RIPOR2: variants seen among roughly 807,000 people sequenced by gnomAD.
RIPOR2 encodes RHO family interacting cell polarization regulator 2.
In RIPOR2, 39 loss-of-function variants were observed where a neutral mutation model predicts 114.5. The ratio of observed to expected loss-of-function variants is 0.34; its 90% CI spans 0.26 to 0.44. The LOEUF is 0.44. RIPOR2 is among the 20% of genes least tolerant of loss of function. RIPOR2 has a pLI of 1.00. For missense variants in RIPOR2, 1,007 were observed against 1,255.1 expected (o/e 0.80, Z 2.99); for synonymous variants, 445 against 484.4 (o/e 0.92, Z 1.07).
At chr6:24,934,066 T>C (rs771343439) in intron 1 of RIPOR2, among the ~76,000 whole-genome samples, 9 of 152,156 alleles carry the variant, frequency 5.9e-5, no homozygotes, top group Non-Finnish European at 1.0e-4. Flanking sequence ...TAGCCAGATG[T>C]AAAAGAGCAA....
chr6:24,881,500 T>C (rs1766350953), intron 1 of RIPOR2, among the ~76,000 whole-genome samples: 1 of 152,090 alleles, frequency 6.6e-6, no homozygotes, highest in Admixed American at 6.6e-5. Flanking sequence ...CCAAGCACCT[T>C]GACTAAGAGT....
chr6:24,834,948 A>T (rs74967479), intron 15 of RIPOR2, among the ~76,000 whole-genome samples: 7,033 of 152,276 alleles, frequency 0.046, 214 homozygotes, highest in East Asian at 0.086. Flanking sequence ...TAGCTTCTGC[A>T]TTCTCTTCCT....
chr6:24,905,064 C>T (rs546542166), intron 1 of RIPOR2, among the ~76,000 whole-genome samples: 5 of 152,234 alleles, frequency 3.3e-5, no homozygotes, highest in East Asian at 3.9e-4. Flanking sequence ...TGTAAGCCAC[C>T]GCGCCCGGCC....
chr6:25,041,694 A>T (rs985755951), intron 1 of RIPOR2: 65 of 584,848 alleles, frequency 1.1e-4, no homozygotes, highest in Non-Finnish European at 1.6e-4. Context: ...CGGTAAAAAA[A>T]TACCAAAGTC....
intron 1 of RIPOR2, among the ~76,000 whole-genome samples, chr6:24,972,111 T>C (rs996915094): frequency 6.6e-6 from 1 of 152,196 alleles, no homozygotes. Context: ...TATCCTTTAA[T>C]TGCCTTTACT....
chr6:24,994,547 C>G (rs140273622), intron 1 of RIPOR2, among the ~76,000 whole-genome samples: 1 of 152,158 alleles, frequency 6.6e-6, no homozygotes, highest in Non-Finnish European at 1.5e-5. Flanking sequence ...AGCCCACTTT[C>G]GATTTTTCTA....
At chr6:24,961,523 C>T (rs1462398493) in intron 1 of RIPOR2, among the ~76,000 whole-genome samples, 8 of 152,148 alleles carry the variant, frequency 5.3e-5, no homozygotes, top group Non-Finnish European at 1.0e-4. Context: ...CCAAGCCTCA[C>T]TTTCCTTGTA....
intron 1 of RIPOR2, chr6:24,898,301 G>A (rs1042536294): frequency 6.6e-6 from 1 of 152,080 alleles, no homozygotes; most frequent in Non-Finnish European, 1.5e-5. Context: ...ATAAGTTCTG[G>A]CACAGTAATA....
Position 24,865,271 on chromosome 6 carries a change from C to T in RIPOR2, c.651+30G>A, listed in dbSNP as rs186473163. ...AATTCACACCAGGCCAGATGGGATTCGGCAACTTAAGCAGGTTAGGGAGTT... is the reference window on the plus strand; with the variant it reads ...AATTCACACCAGGCCAGATGGGATTTGGCAACTTAAGCAGGTTAGGGAGTT... On this transcript the variant is annotated intron_variant, in intron 7 of 21. Coordinates refer to ENST00000643898, the MANE Select transcript of RIPOR2 (RefSeq NM_001286445.3). 608 of 1,565,620 alleles carry T rather than the reference C, an allele frequency of 3.9e-4. 3 individuals carry two copies. The Admixed American group carries it at 9.5e-3, about 25-fold the overall frequency.
At position 24,809,908 on chromosome 6, in the gene RIPOR2, T is replaced by A. The variant is rs1048801545; in HGVS notation, c.2953-101A>T. 1.7e-4 allele frequency: 128 copies of A among 773,066 alleles called. No homozygotes were observed. In the Admixed American group the frequency reaches 2.5e-3, roughly 15 times the overall value. The allele number at this position is 773,066 out of a possible 1,614,324, so 47.9% of individuals were successfully genotyped here. ...TGGTGGGAACTTTAGCCTCACTTTG[T>A]TGCCCAGGCTGGAGTGCAATGGAGC... is the stretch of plus-strand genomic sequence containing the variant. On this transcript the variant is annotated intron_variant, in intron 20 of 21. Coordinates refer to ENST00000643898, the MANE Select transcript of RIPOR2 (RefSeq NM_001286445.3).
chr6:24,854,724 T>TC (rs1763272375), intron 8 of RIPOR2, among the ~76,000 whole-genome samples: 1 of 152,126 alleles, frequency 6.6e-6, no homozygotes, highest in Non-Finnish European at 1.5e-5. Flanking sequence ...TTTATGAGAT[T>TC]TCCAGTTAAG....
intron 1 of RIPOR2, among the ~76,000 whole-genome samples, chr6:24,963,003 G>A (rs1773371225): frequency 6.6e-6 from 1 of 152,150 alleles, no homozygotes; most frequent in Non-Finnish European, 1.5e-5. Flanking sequence ...TCTTTGATTG[G>A]CTACGCAAAC....
upstream of RIPOR2, among the ~76,000 whole-genome samples, chr6:24,936,496 C>A (rs1291110154): frequency 6.6e-6 from 1 of 152,028 alleles, no homozygotes; most frequent in Non-Finnish European, 1.5e-5. Context: ...GCATTTAAAC[C>A]AAACTGAACC....
intron 1 of RIPOR2, among the ~76,000 whole-genome samples, chr6:24,893,039 C>A (rs1767531054): frequency 6.6e-6 from 1 of 152,058 alleles, no homozygotes; most frequent in Non-Finnish European, 1.5e-5. Context: ...TCTAAAAAAA[C>A]CAAAACAAAA....
chr6:24,915,889 A>G (rs1770037348), intron 1 of RIPOR2, among the ~76,000 whole-genome samples: 1 of 152,080 alleles, frequency 6.6e-6, no homozygotes, highest in Non-Finnish European at 1.5e-5. Context: ...TGGTTCCAGA[A>G]GCCTTCCCAG....
At chr6:24,834,820 C>T (rs1760985861) in intron 15 of RIPOR2, among the ~76,000 whole-genome samples, 1 of 152,122 alleles carries the variant, frequency 6.6e-6, no homozygotes, top group Non-Finnish European at 1.5e-5. Flanking sequence ...GATGAGGTTT[C>T]ACTCTGTTGA....
At chr6:24,910,745 C>G (rs1426204280) in intron 1 of RIPOR2, 15 of 890,496 alleles carry the variant, frequency 1.7e-5, no homozygotes, top group Non-Finnish European at 1.9e-5. Context: ...GAGGACACCC[C>G]TCCCCACACA....
At chr6:25,003,717 C>T (rs955930445) in intron 1 of RIPOR2, among the ~76,000 whole-genome samples, 4 of 152,240 alleles carry the variant, frequency 2.6e-5, no homozygotes, top group Admixed American at 2.0e-4. Flanking sequence ...AAACATGAGC[C>T]ACCATGCCTG....
chr6:25,003,946 G>T (rs1030876774), intron 1 of RIPOR2, among the ~76,000 whole-genome samples: 1 of 152,118 alleles, frequency 6.6e-6, no homozygotes, highest in Non-Finnish European at 1.5e-5. Flanking sequence ...TCTTTCATTT[G>T]TCATGTCACT....
Sources: gnomAD v4.1 joint callset for allele counts (sites outside exome capture counted in the v4.1 genomes callset) on GRCh38, gnomAD v4.1.1 for gene constraint, MANE v1.5 for transcripts, NCBI Gene and HGNC (gene_info 2026-07-23, HGNC 2026-07-21) for gene names.